SYCE2: variants seen among roughly 807,000 people sequenced by gnomAD.
SYCE2 encodes the protein synaptonemal complex central element protein 2.
SYCE2 carries 3 observed loss-of-function variants against 27.9 expected under a neutral mutation model. The ratio of observed to expected loss-of-function variants is 0.11; its 90% CI spans 0.05 to 0.28. The LOEUF (loss-of-function observed/expected upper bound fraction) is 0.28. Among genes scored for constraint, SYCE2 ranks in the 10% least tolerant of loss-of-function variants. SYCE2 has a pLI of 1.00. For synonymous variants in SYCE2, 85 were observed against 100.7 expected (o/e 0.84, Z 0.93); for missense variants, 207 against 263.5 (o/e 0.79, Z 1.48).
At position 12,911,177 on chromosome 19, in the gene SYCE2, A is replaced by G. The variant is rs376182248; in HGVS notation, c.132-6511T>C. ...TTTCTGTATAGATGGAGGTCTTGCT[A>G]TGTTACCCAAGCTGGTCTCAAACTC... On this transcript the variant is annotated intron_variant, in intron 2 of 5. Coordinates refer to ENST00000293695, the MANE Select transcript of SYCE2 (RefSeq NM_001105578.2). 3.3e-5 allele frequency among the ~76,000 whole-genome samples: 5 copies of G among 151,716 alleles called. No individual in the cohort carries two copies. The East Asian group carries it at 5.9e-4, about 18-fold the overall frequency.
At chr19:12,915,437 A>C (rs976435586) in intron 2 of SYCE2, among the ~76,000 whole-genome samples, 22 of 80,196 alleles carry the variant, frequency 2.7e-4, no homozygotes, top group African/African-American at 1.4e-3. Flanking sequence ...CGTCTCTACC[A>C]AAAATATATA....
chr19:12,909,994 G>A (rs1036246426), intron 2 of SYCE2, among the ~76,000 whole-genome samples: 2 of 151,786 alleles, frequency 1.3e-5, no homozygotes, highest in African/African-American at 4.8e-5. Context: ...GGCCTCCCAA[G>A]TAGCTGGGAT....
At chr19:12,918,455 C>T (rs763486268) in intron 1 of SYCE2, 118 bp from the exon 2 acceptor site, 30 of 910,526 alleles carry the variant, frequency 3.3e-5, no homozygotes, top group Non-Finnish European at 4.6e-5. Context: ...GGTGGGGACC[C>T]GCAGGAAAGA....
At chr19:12,918,556 G>A (rs1032579877) in intron 1 of SYCE2, among the ~76,000 whole-genome samples, 1 of 152,184 alleles carries the variant, frequency 6.6e-6, no homozygotes, top group African/African-American at 2.4e-5. Context: ...CAGACCTAGA[G>A]GGGCCGGGTG....
In SYCE2 at chr19:12,903,790, G is replaced by A. The variant is rs1304973704; in HGVS notation, c.306+702C>T. 2.0e-5 allele frequency among the ~76,000 whole-genome samples: 3 copies of A among 152,050 alleles called. 1 individual carries two copies. The South Asian group carries it at 6.2e-4, about 32-fold the overall frequency. On this transcript the variant is annotated intron_variant, in intron 3 of 5. Transcript: ENST00000293695. ...TTTTTTTATTTTTAGTAGAGACGTG[G>A]TTTCACCATGTTGGCCAGGCTGGTC... is the stretch of plus-strand genomic sequence containing the variant.
At chr19:12,906,723 A>G (rs1970940416) in intron 2 of SYCE2, among the ~76,000 whole-genome samples, 2 of 152,038 alleles carry the variant, frequency 1.3e-5, no homozygotes, top group African/African-American at 4.8e-5. Context: ...CCTGGCCAAC[A>G]TGGTGAAACC....
chr19:12,902,625 G>A (rs1970860071), intron 3 of SYCE2, among the ~76,000 whole-genome samples: 1 of 151,924 alleles, frequency 6.6e-6, no homozygotes, highest in African/African-American at 2.4e-5. Flanking sequence ...AACAGAGTGA[G>A]ACGCCACCTC....
At chr19:12,906,857 C>T in intron 2 of SYCE2, among the ~76,000 whole-genome samples, 1 of 152,008 alleles carries the variant, frequency 6.6e-6, no homozygotes, top group Non-Finnish European at 1.5e-5. Flanking sequence ...CACCACTGCA[C>T]TCTAGCCCGG....
intron 2 of SYCE2, among the ~76,000 whole-genome samples, chr19:12,910,511 T>A (rs1252543738): frequency 6.6e-6 from 1 of 151,830 alleles, no homozygotes; most frequent in East Asian, 1.9e-4. Flanking sequence ...TAGCTGGGAC[T>A]ACAGGCACAC....
intron 2 of SYCE2, among the ~76,000 whole-genome samples, chr19:12,913,362 G>A (rs1199215607): frequency 2.0e-5 from 3 of 152,222 alleles, no homozygotes; most frequent in Non-Finnish European, 2.9e-5. Flanking sequence ...AGAACTGCCC[G>A]CTGGTGGGGC....
intron 2 of SYCE2, among the ~76,000 whole-genome samples, chr19:12,906,617 A>G (rs1176462868): frequency 6.6e-6 from 1 of 152,146 alleles, no homozygotes; most frequent in African/African-American, 2.4e-5. Flanking sequence ...TGCTTTAAAA[A>G]CAGAACTGGG....
intron 2 of SYCE2, among the ~76,000 whole-genome samples, chr19:12,915,417 G>C (rs945677964): frequency 6.8e-6 from 1 of 148,086 alleles, no homozygotes; most frequent in Non-Finnish European, 1.5e-5. Context: ...TGGCTAACAC[G>C]GTGAAACCCC....
chr19:12,916,508 A>G (rs1971142637), intron 2 of SYCE2, among the ~76,000 whole-genome samples: 1 of 152,178 alleles, frequency 6.6e-6, no homozygotes, highest in Admixed American at 6.6e-5. Flanking sequence ...TGACCTCTTC[A>G]GAGTTCTCCA....
At chr19:12,900,775 G>A in intron 3 of SYCE2, 127 bp from the exon 4 acceptor site, 1 of 920,018 alleles carries the variant, frequency 1.1e-6, no homozygotes, top group Middle Eastern at 3.4e-4. Context: ...TGGGCACGGT[G>A]GCTCATGCCT....
rs1971201254 is a variant in SYCE2 at position 12,919,275 on chromosome 19, T to C, written c.-18A>G. On this transcript the variant is annotated 5_prime_UTR_variant, in exon 1 of 6. Coordinates refer to ENST00000293695, the MANE Select transcript of SYCE2 (RefSeq NM_001105578.2). ...CGCTCCATTCCGTATTTTCCCGCCT[T>C]CAAGCTCGCACCCTCTGCGCATGCG... 6.2e-7 allele frequency: 1 copy of C among 1,609,978 alleles called. No individual in the cohort carries two copies. Among genetic ancestry groups the C allele is most frequent in the Admixed American group, 1.7e-5 (1 of 60,028 alleles).
chr19:12,916,938 C>T (rs947351872), intron 2 of SYCE2, among the ~76,000 whole-genome samples: 1 of 151,958 alleles, frequency 6.6e-6, no homozygotes, highest in South Asian at 2.1e-4. Flanking sequence ...TTAGTAGAGA[C>T]GGAGTTTCAC....
intron 2 of SYCE2, among the ~76,000 whole-genome samples, chr19:12,912,391 C>T (rs1204540660): frequency 6.7e-6 from 1 of 148,442 alleles, no homozygotes; most frequent in Non-Finnish European, 1.5e-5. Context: ...CCCCGCTATA[C>T]CTAGGCCTTG....
chr19:12,918,531 G>A (rs1971180775), intron 1 of SYCE2, among the ~76,000 whole-genome samples, 194 bp from the exon 2 acceptor site: 1 of 152,158 alleles, frequency 6.6e-6, no homozygotes, highest in East Asian at 1.9e-4. Context: ...CTGTCCCTAG[G>A]GGACACCAGG....
chr19:12,919,157 T>A, intron 1 of SYCE2, 86 bp downstream of exon 1: 1 of 1,568,496 alleles, frequency 6.4e-7, no homozygotes, highest in Non-Finnish European at 8.7e-7. Flanking sequence ...CGGGCTCGGG[T>A]CCGCTGGAGA....
Sources: allele counts gnomAD v4.1 joint callset (sites outside exome capture counted in the v4.1 genomes callset), GRCh38; gene constraint gnomAD v4.1.1; transcripts MANE v1.5; gene names NCBI Gene and HGNC (gene_info 2026-07-23, HGNC 2026-07-21).